Variants in RGS6 observed in about 807,000 individuals in gnomAD.
RGS6 encodes the protein regulator of G protein signaling 6.
A neutral mutation model predicts 78.5 loss-of-function variants in RGS6; 30 were observed. That is an observed-to-expected ratio of 0.38 (90% CI 0.29 to 0.52). The LOEUF (loss-of-function observed/expected upper bound fraction) is 0.52. RGS6 is among the 20% of genes least tolerant of loss of function. The pLI, the probability that RGS6 is intolerant of heterozygous loss-of-function variation, is 0.85. For synonymous variants in RGS6, 206 were observed against 206.0 expected, an observed-to-expected ratio of 1.00 and a Z score of 0.00; for missense variants, 495 against 609.7, an observed-to-expected ratio of 0.81 and a Z score of 1.98.
the RGS6 span, among the ~76,000 whole-genome samples, chr14:72,605,462 G>T: frequency 1.3e-5 from 2 of 152,332 alleles, no homozygotes; most frequent in East Asian, 3.9e-4. Flanking sequence ...CATTAACAAT[G>T]CTAATTACCT....
intron 3 of RGS6, among the ~76,000 whole-genome samples, chr14:72,373,886 A>G (rs1020342198): frequency 5.9e-5 from 9 of 152,134 alleles, no homozygotes; most frequent in African/African-American, 1.9e-4. Context: ...ATACAAATAT[A>G]TAAAATTATG....
intron 2 of RGS6, among the ~76,000 whole-genome samples, chr14:72,146,744 A>G (rs1202768543): frequency 6.6e-6 from 1 of 152,182 alleles, no homozygotes; most frequent in Non-Finnish European, 1.5e-5. Flanking sequence ...TTCATTCTTT[A>G]CATGGCCAGG....
chr14:72,544,027 G>A (rs111856500), intron 17 of RGS6, among the ~76,000 whole-genome samples: 3,112 of 152,308 alleles, frequency 0.02, 97 homozygotes, highest in African/African-American at 0.066. Context: ...ACCACACCCC[G>A]CCCTCTGCTC....
At chr14:71,949,882 T>C (rs2092104617) in intron 1 of RGS6, among the ~76,000 whole-genome samples, 1 of 152,144 alleles carries the variant, frequency 6.6e-6, no homozygotes, top group Admixed American at 6.6e-5. Context: ...CGTATTTGTT[T>C]TGTTTTACTT....
At chr14:72,352,964 T>C (rs1345177485) in intron 3 of RGS6, among the ~76,000 whole-genome samples, 1 of 152,250 alleles carries the variant, frequency 6.6e-6, no homozygotes, top group Admixed American at 6.5e-5. Flanking sequence ...GCCTATATGC[T>C]TTTCAAAATT....
At chr14:72,404,043 A>G (rs1257601673) in intron 3 of RGS6, among the ~76,000 whole-genome samples, 2 of 152,222 alleles carry the variant, frequency 1.3e-5, no homozygotes, top group African/African-American at 2.4e-5. Flanking sequence ...AACACCGGCC[A>G]TACAAGAAGG....
At chr14:72,013,873 C>G (rs904179013) in intron 2 of RGS6, among the ~76,000 whole-genome samples, 7 of 152,166 alleles carry the variant, frequency 4.6e-5, no homozygotes, top group African/African-American at 7.2e-5. Flanking sequence ...CAAAGTGAAT[C>G]CCTTACTCCG....
chr14:71,919,459 G>GGT, the RGS6 span, among the ~76,000 whole-genome samples: 162 of 149,976 alleles, frequency 1.1e-3, no homozygotes, highest in East Asian at 5.5e-3. Context: ...CAAGATATAG[G>GGT]GTGTGTGTGT....
At chr14:72,422,668 C>T (rs17780385) in intron 3 of RGS6, among the ~76,000 whole-genome samples, 13,653 of 152,136 alleles carry the variant, frequency 0.09, 848 homozygotes, top group Middle Eastern at 0.23. Context: ...TTGTATGTGT[C>T]CCCATGAGAG....
At chr14:71,943,557 G>C (rs1248111605) in intron 1 of RGS6, among the ~76,000 whole-genome samples, 1 of 152,138 alleles carries the variant, frequency 6.6e-6, no homozygotes, top group Non-Finnish European at 1.5e-5. Flanking sequence ...ATTTGAGGAG[G>C]CTTGTAGAAA....
intron 8 of RGS6, among the ~76,000 whole-genome samples, chr14:72,471,218 AT>A (rs963770557): frequency 3.5e-4 from 54 of 152,220 alleles, no homozygotes; most frequent in African/African-American, 1.3e-3. Context: ...TTTTTCCCAG[AT>A]TTTTTTCTCC....
intron 3 of RGS6, 35 bp from the exon 4 acceptor site, chr14:72,454,493 G>A (rs2095579022): frequency 6.2e-7 from 1 of 1,605,598 alleles, no homozygotes; most frequent in Admixed American, 1.7e-5. Context: ...TAAACACCCA[G>A]GAGGTCTTCA....
rs940400090 is a variant in RGS6 at position 72,046,064 on chromosome 14, C to T, written c.84+81189C>T. ...TTCTTGAGTCTTTCCTTTTCTTCAC[C>T]AAAGGCTCACTGACGTCATCCATCC... On this transcript the variant is annotated intron_variant, in intron 2 of 17. Coordinates refer to ENST00000553525, the MANE Select transcript of RGS6 (RefSeq NM_001204424.2). 4.6e-5 allele frequency among the ~76,000 whole-genome samples: 7 copies of T among 152,156 alleles called. No homozygotes were observed. The East Asian group carries it at 1.4e-3, about 29-fold the overall frequency.
At chr14:72,089,040 A>G (rs1404294729) in intron 2 of RGS6, among the ~76,000 whole-genome samples, 3 of 152,136 alleles carry the variant, frequency 2.0e-5, no homozygotes, top group Non-Finnish European at 4.4e-5. Flanking sequence ...TTTTATTATC[A>G]TCACTGCATT....
At chr14:72,404,706 T>G (rs1270871317) in intron 3 of RGS6, among the ~76,000 whole-genome samples, 1 of 152,206 alleles carries the variant, frequency 6.6e-6, no homozygotes, top group Non-Finnish European at 1.5e-5. Flanking sequence ...GTCCTAGCAT[T>G]GGCCAGAATG....
chr14:72,144,442 A>G (rs1393710193), intron 2 of RGS6, among the ~76,000 whole-genome samples: 1 of 152,244 alleles, frequency 6.6e-6, no homozygotes, highest in Admixed American at 6.5e-5. Flanking sequence ...TCATAGATCA[A>G]CAGTGGAAAG....
chr14:72,182,769 A>G (rs1003320652), intron 2 of RGS6, among the ~76,000 whole-genome samples: 3 of 152,208 alleles, frequency 2.0e-5, no homozygotes, highest in African/African-American at 4.8e-5. Context: ...GGGAAAATCC[A>G]TTGTGGGGAA....
At chr14:72,552,723 G>T (rs556475472) in intron 17 of RGS6, 1 of 152,194 alleles carries the variant, frequency 6.6e-6, no homozygotes, top group Admixed American at 6.5e-5. Flanking sequence ...GAAGCACGTG[G>T]CAGGGGATGC....
Position 72,017,963 on chromosome 14 carries a change from C to T in RGS6, c.84+53088C>T, listed in dbSNP as rs184233973. 2.9e-3 allele frequency among the ~76,000 whole-genome samples: 437 copies of T among 152,224 alleles called. 2 individuals are homozygous for T. Among genetic ancestry groups the T allele is most frequent in the Non-Finnish European group, 4.2e-3 (287 of 68,008 alleles). On this transcript the variant is annotated intron_variant, in intron 2 of 17. Transcript: ENST00000553525. ...TCACAGGCCCCAGTATGTGTTGCTT[C>T]CTCCCATGTGTCCATGTATTCTCAT...
Sources: allele counts gnomAD v4.1 joint callset (sites outside exome capture counted in the v4.1 genomes callset), GRCh38; gene constraint gnomAD v4.1.1; transcripts MANE v1.5; gene names NCBI Gene and HGNC (gene_info 2026-07-23, HGNC 2026-07-21).